Variants in SLC24A2 observed in about 807,000 individuals in gnomAD.
The protein encoded by SLC24A2 is solute carrier family 24 member 2, also known as sodium/potassium/calcium exchanger 2.
A neutral mutation model predicts 62.0 loss-of-function variants in SLC24A2; 36 were observed. The observed-to-expected ratio is 0.58, with a 90% confidence interval of 0.44 to 0.77. The LOEUF is 0.77. Ranked by LOEUF, SLC24A2 falls within the 30% of genes least tolerant of loss-of-function variation. The pLI, the probability that SLC24A2 is intolerant of heterozygous loss-of-function variation, is 0.00. For missense variants in SLC24A2, 846 were observed against 817.9 expected (o/e 1.03, Z -0.42); for synonymous variants, 358 against 294.0 (o/e 1.22, Z -2.23).
chr9:20,298,117 C>T, the SLC24A2 span, among the ~76,000 whole-genome samples: 1 of 152,220 alleles, frequency 6.6e-6, no homozygotes, highest in Admixed American at 6.5e-5. Context: ...ACCCATGAAG[C>T]TCAGACAGTG....
the SLC24A2 span, among the ~76,000 whole-genome samples, chr9:20,198,656 TCTCTCTCTCTCTCA>T: frequency 1.3e-5 from 2 of 151,744 alleles, no homozygotes; most frequent in Non-Finnish European, 2.9e-5. Flanking sequence ...CTCGCATCTC[TCTCTCTCTCTCTCA>T]CTCTCTCTCT....
chr9:20,208,077 A>C, the SLC24A2 span, among the ~76,000 whole-genome samples: 1 of 152,340 alleles, frequency 6.6e-6, no homozygotes, highest in Admixed American at 6.5e-5. Flanking sequence ...ATGTAAGTGT[A>C]AATGGTCAGC....
At chr9:19,945,671 TAATTTACAGATGAAG>T in the SLC24A2 span, among the ~76,000 whole-genome samples, 101 of 152,252 alleles carry the variant, frequency 6.6e-4, no homozygotes, top group African/African-American at 2.3e-3. Context: ...TGACCACCCC[TAATTTACAGATGAAG>T]AATTGGAGAC....
chr9:19,856,545 A>T, the SLC24A2 span, among the ~76,000 whole-genome samples: 1 of 151,984 alleles, frequency 6.6e-6, no homozygotes, highest in East Asian at 1.9e-4. Context: ...ACCCTCTTCC[A>T]TAGGGTTTCT....
chr9:19,849,022 A>G, the SLC24A2 span, among the ~76,000 whole-genome samples: 1 of 152,214 alleles, frequency 6.6e-6, no homozygotes, highest in Non-Finnish European at 1.5e-5. Flanking sequence ...GGAGGCAGAC[A>G]TGTAAAGAAA....
intron 2 of SLC24A2, among the ~76,000 whole-genome samples, chr9:19,685,348 C>A (rs1029660478): frequency 7.9e-5 from 12 of 152,054 alleles, no homozygotes; most frequent in African/African-American, 2.7e-4. Context: ...AAGCAATTTA[C>A]AGATTTAATG....
At chr9:19,647,068 G>GCACACACACACACA (rs142480390) in intron 2 of SLC24A2, among the ~76,000 whole-genome samples, 3 of 80,010 alleles carry the variant, frequency 3.7e-5, no homozygotes, top group African/African-American at 1.1e-4. Flanking sequence ...ACACACGCGC[G>GCACACACACACACA]CACACACACA....
chr9:19,516,056 T>C lies in SLC24A2; in HGVS notation c.*97A>G. On this transcript the variant is annotated 3_prime_UTR_variant, in exon 11 of 11. Transcript: ENST00000341998. ...AGGAGGGACACTTGGCACCCAGGGC[T>C]GTGTGCCAGCTGCCTCTTCTCAAGA... 1 of 1,470,516 alleles carries C rather than the reference T, an allele frequency of 6.8e-7. No homozygotes were observed. 91.1% of individuals were successfully genotyped at this position (1,470,516 alleles called of 1,614,324 possible).
chr9:20,022,452 T>A, the SLC24A2 span, among the ~76,000 whole-genome samples: 1 of 152,174 alleles, frequency 6.6e-6, no homozygotes, highest in Non-Finnish European at 1.5e-5. Context: ...AGCTTTTACA[T>A]CCAGCAAGTA....
chr9:19,595,557 G>A (rs1836682180), intron 5 of SLC24A2, among the ~76,000 whole-genome samples: 1 of 152,142 alleles, frequency 6.6e-6, no homozygotes, highest in Non-Finnish European at 1.5e-5. Context: ...TTTTGACTGT[G>A]TTTTCCTGCT....
At chr9:19,534,171 A>C (rs983299083) in intron 8 of SLC24A2, among the ~76,000 whole-genome samples, 1 of 152,080 alleles carries the variant, frequency 6.6e-6, no homozygotes, top group Non-Finnish European at 1.5e-5. Flanking sequence ...CTGTGGGGGG[A>C]AAACCCATCA....
intron 7 of SLC24A2, 38 bp downstream of exon 7, chr9:19,573,313 G>C (rs758737649): frequency 7.3e-6 from 10 of 1,375,218 alleles, no homozygotes; most frequent in Non-Finnish European, 1.0e-5. Context: ...TATCAGTTAA[G>C]AACAACAGCC....
At chr9:20,247,511 G>A in the SLC24A2 span, among the ~76,000 whole-genome samples, 4 of 152,240 alleles carry the variant, frequency 2.6e-5, no homozygotes, top group Admixed American at 6.5e-5. Flanking sequence ...AGTTGAGAAC[G>A]ACTCCTTACC....
At chr9:20,270,654 C>T in the SLC24A2 span, among the ~76,000 whole-genome samples, 34 of 152,184 alleles carry the variant, frequency 2.2e-4, no homozygotes, top group African/African-American at 6.5e-4. Flanking sequence ...CAAAGGCATA[C>T]CTACTCATTC....
At chr9:19,943,307 C>T in the SLC24A2 span, among the ~76,000 whole-genome samples, 3 of 152,050 alleles carry the variant, frequency 2.0e-5, no homozygotes, top group Non-Finnish European at 4.4e-5. Flanking sequence ...ACAATTAAAC[C>T]TGGGCTTTCA....
intron 9 of SLC24A2, among the ~76,000 whole-genome samples, chr9:19,523,026 G>C (rs958508407): frequency 2.6e-5 from 4 of 152,172 alleles, no homozygotes; most frequent in African/African-American, 9.7e-5. Flanking sequence ...AGTAGTGACT[G>C]AAAAATTATT....
intron 2 of SLC24A2, among the ~76,000 whole-genome samples, chr9:19,719,994 G>A (rs1250910326): frequency 6.6e-6 from 1 of 152,142 alleles, no homozygotes; most frequent in Admixed American, 6.5e-5. Flanking sequence ...GAAACTCTAT[G>A]ATATGATTCA....
chr9:19,952,064 A>G, the SLC24A2 span, among the ~76,000 whole-genome samples: 1 of 152,036 alleles, frequency 6.6e-6, no homozygotes, highest in African/African-American at 2.4e-5. Flanking sequence ...TTTATTCCCA[A>G]GTATTTTATT....
At chr9:20,066,599 A>C in the SLC24A2 span, among the ~76,000 whole-genome samples, 24 of 152,336 alleles carry the variant, frequency 1.6e-4, no homozygotes, top group African/African-American at 5.8e-4. Flanking sequence ...CAGCTTTATG[A>C]CATATTTATC....
Sources: allele counts gnomAD v4.1 joint callset (sites outside exome capture counted in the v4.1 genomes callset), GRCh38; gene constraint gnomAD v4.1.1; transcripts MANE v1.5; gene names NCBI Gene and HGNC (gene_info 2026-07-23, HGNC 2026-07-21).